DIPK2A: variants seen among roughly 807,000 people sequenced by gnomAD.
The protein encoded by DIPK2A is divergent protein kinase domain 2A.
Under a neutral mutation model 39.0 loss-of-function variants are expected in DIPK2A, and 27 were observed. The ratio of observed to expected loss-of-function variants is 0.69; its 90% CI spans 0.51 to 0.96. The LOEUF (loss-of-function observed/expected upper bound fraction) is 0.96, where lower values mean the gene tolerates loss of function less well. Among genes scored for constraint, DIPK2A ranks in the 40% least tolerant of loss-of-function variants. The pLI, the probability that DIPK2A is intolerant of heterozygous loss-of-function variation, is 0.00. For missense variants in DIPK2A, 528 were observed against 571.3 expected, an observed-to-expected ratio of 0.92 and a Z score of 0.77; for synonymous variants, 298 against 240.8, an observed-to-expected ratio of 1.24 and a Z score of -2.20.
At position 143,972,299 on chromosome 3, in the gene DIPK2A, GCCCTC is replaced by G; in HGVS notation, c.-33_-29del. On this transcript the variant is annotated 5_prime_UTR_variant, in exon 1 of 3. Transcript: ENST00000315691. ...GGCGCGGCGGGGGCGCCCCGGGGGTGCCCTCGCCCTCCCGTTGCGGGCGGGCGGGC... is the reference window on the plus strand; with the variant it reads ...GGCGCGGCGGGGGCGCCCCGGGGGTGGCCCTCCCGTTGCGGGCGGGCGGGC... The G allele has an allele frequency of 7.4e-7, 1 of 1,349,706 alleles. No individual in the cohort carries two copies. Among genetic ancestry groups the G allele is most frequent in the Non-Finnish European group, 9.5e-7 (1 of 1,056,704 alleles). 83.6% of individuals were successfully genotyped at this position (1,349,706 alleles called of 1,614,324 possible).
intron 1 of DIPK2A, among the ~76,000 whole-genome samples, chr3:143,976,196 C>A (rs180863852): frequency 1.8e-3 from 269 of 152,066 alleles, no homozygotes; most frequent in Admixed American, 4.7e-3. Flanking sequence ...TAGTTTACAA[C>A]AGTTTACCCA....
chr3:143,973,913 G>A (rs1227880072), intron 1 of DIPK2A, among the ~76,000 whole-genome samples: 1 of 152,134 alleles, frequency 6.6e-6, no homozygotes, highest in Admixed American at 6.5e-5. Context: ...GTATTTGCTT[G>A]TTTCTGCACA....
In DIPK2A at chr3:143,989,661, T is replaced by C. The variant is rs778492441; in HGVS notation, c.1113T>C (p.His371=). Residue 371 remains histidine, a synonymous_variant, in exon 3 of 3, where the codon CAT becomes CAC. Transcript: ENST00000315691. ...TTTGTCAGAACCTCTTATCCAGACA[T>C]GCCACCTGGCGTGGCACTTCTGGAG... ...YAVCQNLLSR[H]ATWRGTSGGL... The C allele has an allele frequency of 8.7e-6, 14 of 1,614,092 alleles. No individual in the cohort carries two copies. Among genetic ancestry groups the C allele is most frequent in the East Asian group, 2.2e-5 (1 of 44,890 alleles).
Position 143,972,676 on chromosome 3 carries a change from A to C in DIPK2A, c.344A>C (p.Gln115Pro). Reference sequence around the variant, plus strand: ...GTGGTGCTCAAGCGCCTCGGCTCGCAGCGCGAGCTGGCGCAGCTCGACCAG... The same window carrying C: ...GTGGTGCTCAAGCGCCTCGGCTCGCCGCGCGAGCTGGCGCAGCTCGACCAG... ...RRVVLKRLGS[Q>P]RELAQLDQSI... Residue 115 changes from glutamine (Q) to proline (P), a missense_variant, in exon 1 of 3, where the codon CAG becomes CCG. Transcript: ENST00000315691. 6.2e-7 allele frequency: 1 copy of C among 1,608,766 alleles called. No individual in the cohort carries two copies. The highest frequency in any genetic ancestry group is 8.5e-7 in the Non-Finnish European group (1 of 1,178,054).
chr3:143,973,134 C>A, intron 1 of DIPK2A, 145 bp downstream of exon 1: 1 of 1,203,190 alleles, frequency 8.3e-7, no homozygotes, highest in Non-Finnish European at 1.2e-6. Flanking sequence ...GGGGCGTCTC[C>A]GGGGGAGCCC....
chr3:143,987,265 TA>T (rs1197634110), intron 2 of DIPK2A, among the ~76,000 whole-genome samples: 9 of 152,186 alleles, frequency 5.9e-5, no homozygotes, highest in African/African-American at 9.7e-5. Context: ...TTCCTAAGCT[TA>T]AAAAAATTAT....
At chr3:143,976,436 A>G (rs1324742222) in intron 1 of DIPK2A, among the ~76,000 whole-genome samples, 1 of 151,954 alleles carries the variant, frequency 6.6e-6, no homozygotes, top group Non-Finnish European at 1.5e-5. Flanking sequence ...GTATTCAAAA[A>G]TTGAGTTGTT....
At chr3:143,973,798 TCTGA>T (rs747586547) in intron 1 of DIPK2A, 45 of 572,396 alleles carry the variant, frequency 7.9e-5, no homozygotes, top group East Asian at 1.2e-4. Flanking sequence ...TTTGCTCTCG[TCTGA>T]CTGTTTTGAA....
intron 2 of DIPK2A, among the ~76,000 whole-genome samples, chr3:143,988,481 C>T (rs2087936923): frequency 6.6e-6 from 1 of 152,152 alleles, no homozygotes; most frequent in South Asian, 2.1e-4. Context: ...ACAATGGCCT[C>T]TTGTTTTCCT....
rs1490181483 is a variant in DIPK2A, at chr3:143,992,260, G to A, written c.*2419G>A. On this transcript the variant is annotated 3_prime_UTR_variant, in exon 3 of 3. Transcript: ENST00000315691. ...ATTAAAATTGTCTTTTGTACTGTAA[G>A]TTACTGTTAATTTGAATATTTTATT... is the stretch of plus-strand genomic sequence containing the variant. 1 of 152,530 alleles carries A rather than the reference G, an allele frequency of 6.6e-6. No homozygotes were observed. Among genetic ancestry groups the A allele is most frequent in the East Asian group, 1.9e-4 (1 of 5,196 alleles). The allele number at this position is 152,530 out of a possible 1,614,324, so 9.4% of individuals were successfully genotyped here.
Position 143,972,282 on chromosome 3 carries a change from G to A in DIPK2A, c.-51G>A. ...GTAGCTCTCCGGGTCTTGGCGCGGCGGGGGCGCCCCGGGGGTGCCCTCGCC... is the reference window on the plus strand; with the variant it reads ...GTAGCTCTCCGGGTCTTGGCGCGGCAGGGGCGCCCCGGGGGTGCCCTCGCC... On this transcript the variant is annotated 5_prime_UTR_variant, in exon 1 of 3. Transcript: ENST00000315691. 2 of 1,335,894 alleles carry A rather than the reference G, an allele frequency of 1.5e-6. No homozygotes were observed. The highest frequency in any genetic ancestry group is 9.5e-7 in the Non-Finnish European group (1 of 1,048,152). 82.8% of individuals were successfully genotyped at this position (1,335,894 alleles called of 1,614,324 possible).
Position 143,990,161 on chromosome 3 carries a change from G to A in DIPK2A, c.*320G>A, listed in dbSNP as rs529568914. Reference sequence around the variant, plus strand: ...TGAGTCTGATAGTACATTGGCTTGTGTATCAAAGGGTACTTGGTACTTAGT... The same window carrying A: ...TGAGTCTGATAGTACATTGGCTTGTATATCAAAGGGTACTTGGTACTTAGT... On this transcript the variant is annotated 3_prime_UTR_variant, in exon 3 of 3. Coordinates refer to ENST00000315691, the MANE Select transcript of DIPK2A (RefSeq NM_173552.5). The A allele has an allele frequency of 2.9e-4, 66 of 225,352 alleles. No homozygotes were observed. Among genetic ancestry groups the A allele is most frequent in the African/African-American group, 1.1e-3 (51 of 44,402 alleles). 14.0% of individuals were successfully genotyped at this position (225,352 alleles called of 1,614,324 possible). A position where few individuals can be genotyped will look rare whatever the true frequency, so the allele number is the denominator to read the frequency against.
intron 1 of DIPK2A, among the ~76,000 whole-genome samples, chr3:143,983,560 GT>G (rs891573912): frequency 3.3e-4 from 50 of 152,294 alleles, no homozygotes; most frequent in African/African-American, 1.2e-3. Context: ...CTAAAGCTGT[GT>G]TTAGAGGAAA....
In DIPK2A at chr3:143,989,728, C is replaced by T. The variant is rs199668779; in HGVS notation, c.1180C>T (p.Arg394Trp). Residue 394 changes from arginine to tryptophan, a missense_variant, in exon 3 of 3, where the codon CGG (arginine) becomes TGG (tryptophan). This residue lies in a region of DIPK2A where 219 missense variants were observed against 281.5 expected (regional missense o/e 0.78). Transcript: ENST00000315691. ...ACCAAGTGAAATTGCCAAAGATGGC[C>T]GGCTCGAGGCCTTGCTGGATGAGTG... ...DPPSEIAKDGRLEALLDECAN... is the reference protein window; with the variant it reads ...DPPSEIAKDGWLEALLDECAN... 25 of 1,614,238 alleles carry T rather than the reference C, an allele frequency of 1.5e-5. No individual in the cohort carries two copies. The highest frequency in any genetic ancestry group is 1.3e-4 in the East Asian group (6 of 44,892).
chr3:143,988,185 A>G (rs1449287379), intron 2 of DIPK2A, among the ~76,000 whole-genome samples: 1 of 151,214 alleles, frequency 6.6e-6, no homozygotes, highest in Non-Finnish European at 1.5e-5. Flanking sequence ...TGCAGCCTTG[A>G]CCTCCCTGGC....
At position 143,972,756 on chromosome 3, in the gene DIPK2A, C is replaced by A. The variant is rs759950058; in HGVS notation, c.424C>A (p.Pro142Thr). The A allele has an allele frequency of 3.8e-6, 6 of 1,577,298 alleles. No homozygotes were observed. The South Asian group carries it at 6.8e-5, about 18-fold the overall frequency. The change falls in exon 1 of 3, where the codon CCC becomes ACC. Residue 142 changes from proline to threonine, a missense_variant. Coordinates refer to ENST00000315691, the MANE Select transcript of DIPK2A (RefSeq NM_173552.5). ...RPRCDLLQAM[P>T]RTEFARLNGD... ...CCGCTGCGACCTGCTGCAGGCCATG[C>A]CCCGGACCGAGTTCGCGCGCCTCAA... is the stretch of plus-strand genomic sequence containing the variant.
intron 1 of DIPK2A, among the ~76,000 whole-genome samples, chr3:143,981,569 T>A (rs2087829733): frequency 6.6e-6 from 1 of 152,210 alleles, no homozygotes; most frequent in African/African-American, 2.4e-5. Context: ...CTTAACATTA[T>A]TTTTCCAGCA....
Position 143,972,353 on chromosome 3 carries a change from G to A in DIPK2A, c.21G>A (p.Pro7=), listed in dbSNP as rs752908740. 3.7e-6 allele frequency: 5 copies of A among 1,365,060 alleles called. No homozygotes were observed. Among genetic ancestry groups the A allele is most frequent in the Non-Finnish European group, 4.7e-6 (5 of 1,061,774 alleles). The allele number at this position is 1,365,060 out of a possible 1,614,324, so 84.6% of individuals were successfully genotyped here. A position where few individuals can be genotyped will look rare whatever the true frequency, so the allele number is the denominator to read the frequency against. MWRLVP[P]KLGRLSRSLK... is the part of the protein sequence containing the mutation. The stretch of plus-strand genomic sequence containing the variant: ...GCGGTATGTGGCGCCTGGTGCCCCC[G>A]AAGCTGGGCCGCCTGTCCCGCTCGC... Residue 7 remains proline (P), a synonymous_variant, in exon 1 of 3, where the codon CCG becomes CCA. Transcript: ENST00000315691.
chr3:143,972,683 G>T lies in DIPK2A; in HGVS notation c.351G>T (p.Glu117Asp). ...TCAAGCGCCTCGGCTCGCAGCGCGA[G>T]CTGGCGCAGCTCGACCAGAGCATCT... ...VVLKRLGSQR[E>D]LAQLDQSICK... is the part of the protein sequence containing the mutation. Residue 117 changes from glutamate to aspartate, a missense_variant, in exon 1 of 3, where the codon GAG becomes GAT. Glu to Asp is a conservative substitution (Grantham distance 45). Around this residue, in one of 2 missense-constraint regions of DIPK2A, gnomAD observed 309 missense variants for 289.8 expected, o/e 1.07. Coordinates refer to ENST00000315691, the MANE Select transcript of DIPK2A (RefSeq NM_173552.5). The T allele has an allele frequency of 6.2e-7, 1 of 1,607,890 alleles. No homozygotes were observed. Among genetic ancestry groups the T allele is most frequent in the Non-Finnish European group, 8.5e-7 (1 of 1,177,806 alleles).
Sources: gnomAD v4.1 joint callset for allele counts (sites outside exome capture counted in the v4.1 genomes callset) on GRCh38, gnomAD v4.1.1 for gene constraint, gnomAD v4.1.1 regional missense constraint, MANE v1.5 for transcripts, NCBI Gene and HGNC (gene_info 2026-07-23, HGNC 2026-07-21) for gene names.